Variants in FBXW11 observed in about 807,000 individuals in gnomAD.
FBXW11 encodes the protein F-box and WD repeat domain containing 11.
A neutral mutation model predicts 77.6 loss-of-function variants in FBXW11; 19 were observed. The ratio of observed to expected loss-of-function variants is 0.24; its 90% confidence interval spans 0.17 to 0.36. The LOEUF (loss-of-function observed/expected upper bound fraction) is 0.36, where lower values mean the gene tolerates loss of function less well. FBXW11 is among the 10% of genes least tolerant of loss of function. The pLI is 1.00. For missense variants in FBXW11, 334 were observed against 704.2 expected, an observed-to-expected ratio of 0.47 and a Z score of 5.95; for synonymous variants, 235 against 249.4, an observed-to-expected ratio of 0.94 and a Z score of 0.54.
Position 171,904,278 on chromosome 5 carries a change from G to A in FBXW11, c.437-4178C>T, listed in dbSNP as rs1760327776. ...CCACTGCACTCTAGCCTGGGTTACA[G>A]TGCAAGACTCTGTCTTTTTTTAAAA... is the stretch of plus-strand genomic sequence containing the variant. On this transcript the variant is annotated intron_variant, in intron 4 of 13. Transcript: ENST00000517395. The surrounding 1 kb of genome is among the most constrained non-coding windows in gnomAD (Gnocchi z 4.0). Among the ~76,000 whole-genome samples the A allele has an allele frequency of 1.3e-5, 2 of 152,094 alleles. No individual in the cohort carries two copies. Among genetic ancestry groups the A allele is most frequent in the Non-Finnish European group, 1.5e-5 (1 of 68,024 alleles).
chr5:171,990,963 T>C (rs1765702870), intron 1 of FBXW11, among the ~76,000 whole-genome samples: 1 of 152,096 alleles, frequency 6.6e-6, no homozygotes, highest in African/African-American at 2.4e-5. Flanking sequence ...GTAGCTGGGA[T>C]TACAGGCGCA....
intron 2 of FBXW11, among the ~76,000 whole-genome samples, chr5:171,918,618 A>G (rs1400778180): frequency 1.3e-5 from 2 of 152,234 alleles, no homozygotes; most frequent in Admixed American, 6.5e-5. Flanking sequence ...ATCACACGTA[A>G]ATAGATTACA....
Position 171,936,109 on chromosome 5 carries a change from TAA to T in FBXW11, c.147+21486_147+21487del, listed in dbSNP as rs61349170. On this transcript the variant is annotated intron_variant, in intron 2 of 13. Coordinates refer to ENST00000517395, the MANE Select transcript of FBXW11 (RefSeq NM_001378974.1). ...CTGGGCAGCAGAGCTAGACTCCATC[TAA>T]AAAAAAAAAAAAAAAAAAAAAGAAT... Among the ~76,000 whole-genome samples the T allele has an allele frequency of 8.4e-4, 50 of 59,336 alleles. 1 individual carries two copies. In the South Asian group the frequency reaches 0.016, roughly 19 times the overall value. 38.9% of individuals were successfully genotyped at this position (59,336 alleles called of 152,430 possible).
chr5:171,957,641 C>A lies in FBXW11; in HGVS notation c.103G>T (p.Ala35Ser), dbSNP rs760618599. 1 of 1,614,178 alleles carries A rather than the reference C, an allele frequency of 6.2e-7. No homozygotes were observed. The highest frequency in any genetic ancestry group is 8.5e-7 in the Non-Finnish European group (1 of 1,180,016). Residue 35 changes from alanine (A) to serine (S), a missense_variant, in exon 2 of 14, where the codon GCA becomes TCA. Coordinates refer to ENST00000517395, the MANE Select transcript of FBXW11 (RefSeq NM_001378974.1). ...GCANLVESMCALSCLQSMPSV... is the reference protein window; with the variant it reads ...GCANLVESMCSLSCLQSMPSV... ...GGCATGCTCTGCAGGCAACTCAGTG[C>A]GCACATGCTCTCTACCAGGTTGGCG...
chr5:171,895,947 G>T (rs1374099197), intron 6 of FBXW11, among the ~76,000 whole-genome samples: 52 of 152,132 alleles, frequency 3.4e-4, no homozygotes, highest in Non-Finnish European at 4.4e-5. Context: ...CTCTATGTGT[G>T]GCAAGAACAC....
At chr5:171,875,442 G>T (rs1758015917) in intron 9 of FBXW11, among the ~76,000 whole-genome samples, 1 of 152,174 alleles carries the variant, frequency 6.6e-6, no homozygotes, top group Non-Finnish European at 1.5e-5. Context: ...GATCACCAGG[G>T]ACTGGGAAGA....
At chr5:171,910,377 A>G (rs1463535362) in intron 4 of FBXW11, among the ~76,000 whole-genome samples, 195 bp downstream of exon 4, 1 of 152,156 alleles carries the variant, frequency 6.6e-6, no homozygotes, top group African/African-American at 2.4e-5. Flanking sequence ...AGGAATGAAC[A>G]TTATTAAAGA....
chr5:171,934,411 CTCATGCCTTGTAA>C (rs1191906331), intron 2 of FBXW11, among the ~76,000 whole-genome samples: 4 of 152,060 alleles, frequency 2.6e-5, no homozygotes, highest in Non-Finnish European at 1.5e-5. Flanking sequence ...GGCACATTGC[CTCATGCCTTGTAA>C]TCCCAGCACT....
chr5:171,942,954 A>G (rs1269977194), intron 2 of FBXW11, among the ~76,000 whole-genome samples: 1 of 152,080 alleles, frequency 6.6e-6, no homozygotes, highest in East Asian at 1.9e-4. Context: ...TTTCTTTCAA[A>G]TTAGGTGACA....
intron 1 of FBXW11, among the ~76,000 whole-genome samples, chr5:171,967,883 T>TATATAC (rs1244744249): frequency 1.1e-3 from 86 of 74,966 alleles, no homozygotes; most frequent in African/African-American, 1.5e-3. Context: ...TATATATATA[T>TATATAC]ACACACACAC....
chr5:171,950,912 T>C (rs931318064), intron 2 of FBXW11, among the ~76,000 whole-genome samples: 1 of 152,022 alleles, frequency 6.6e-6, no homozygotes, highest in African/African-American at 2.4e-5. Context: ...TAAATAATTT[T>C]TTTTTAATTT....
intron 2 of FBXW11, among the ~76,000 whole-genome samples, chr5:171,946,314 G>A (rs77988500): frequency 0.03 from 4,544 of 152,228 alleles, 100 homozygotes; most frequent in Middle Eastern, 0.058. Flanking sequence ...CTTAGAGTTG[G>A]TCTCCCTGCT....
intron 2 of FBXW11, among the ~76,000 whole-genome samples, chr5:171,941,107 T>C (rs1278433884): frequency 2.0e-5 from 3 of 152,044 alleles, no homozygotes; most frequent in Non-Finnish European, 4.4e-5. Context: ...CAATGCATAA[T>C]TACAAAGGGA....
Position 171,876,206 on chromosome 5 carries a change from T to C in FBXW11, c.1221+79A>G. ...AATAAAGATCTTGCCAGGTACCAGG[T>C]TGGTATAAGCCACCTCTGCTTTGTC... On this transcript the variant is annotated intron_variant, in intron 9 of 13. Coordinates refer to ENST00000517395, the MANE Select transcript of FBXW11 (RefSeq NM_001378974.1). This position sits in a 1 kb window ranked among gnomAD's most constrained non-coding sequence, Gnocchi z 4.2. The C allele has an allele frequency of 4.5e-6, 7 of 1,541,312 alleles. No individual in the cohort carries two copies. In the East Asian group the frequency reaches 9.0e-5, roughly 20 times the overall value.
chr5:171,923,094 A>G (rs1384605499), intron 2 of FBXW11, among the ~76,000 whole-genome samples: 1 of 151,990 alleles, frequency 6.6e-6, no homozygotes, highest in Non-Finnish European at 1.5e-5. Context: ...TTGTATTTTT[A>G]ATAGAGATGG....
intron 1 of FBXW11, among the ~76,000 whole-genome samples, chr5:171,999,477 G>A (rs1354249994): frequency 6.6e-6 from 1 of 150,684 alleles, no homozygotes; most frequent in Non-Finnish European, 1.5e-5. Context: ...ATCCCTAATT[G>A]CTGGCAGGCC....
intron 7 of FBXW11, among the ~76,000 whole-genome samples, chr5:171,886,627 A>G (rs1377284155): frequency 6.6e-6 from 1 of 152,052 alleles, no homozygotes; most frequent in East Asian, 1.9e-4. Flanking sequence ...GATAGAAAAA[A>G]AGAAAAACCA....
At chr5:171,946,185 G>T (rs1366318866) in intron 2 of FBXW11, among the ~76,000 whole-genome samples, 1 of 152,136 alleles carries the variant, frequency 6.6e-6, no homozygotes, top group Non-Finnish European at 1.5e-5. Context: ...CAGCCTAATG[G>T]CCTGTCTCAT....
chr5:171,988,123 T>A (rs1765541649), intron 1 of FBXW11, among the ~76,000 whole-genome samples: 1 of 152,152 alleles, frequency 6.6e-6, no homozygotes, highest in South Asian at 2.1e-4. Context: ...AGAAATAACA[T>A]GAACTCACGG....
Sources: allele counts gnomAD v4.1 joint callset (sites outside exome capture counted in the v4.1 genomes callset), GRCh38; gene constraint gnomAD v4.1.1; non-coding constraint Gnocchi (gnomAD v3.1); transcripts MANE v1.5; gene names NCBI Gene and HGNC (gene_info 2026-07-23, HGNC 2026-07-21).